The following ELAVL4 variants were observed in gnomAD, a reference collection of about 807,000 sequenced individuals.
ELAVL4 encodes the protein ELAV like RNA binding protein 4.
ELAVL4 carries 1 observed loss-of-function variant against 35.6 expected under a neutral mutation model. The observed-to-expected ratio is 0.03, with a 90% CI of 0.01 to 0.13. The LOEUF is 0.13. Ranked by LOEUF, ELAVL4 falls within the 10% of genes least tolerant of loss-of-function variation. The probability of loss-of-function intolerance (pLI) is 1.00; values close to 1 mark genes in which losing one functional copy is unlikely to be tolerated. For synonymous variants in ELAVL4, 156 were observed against 171.0 expected, an observed-to-expected ratio of 0.91 and a Z score of 0.69; for missense variants, 267 against 464.9, an observed-to-expected ratio of 0.57 and a Z score of 3.91.
chr1:50,107,160 C>G (rs1666401024), upstream of ELAVL4, among the ~76,000 whole-genome samples: 1 of 152,196 alleles, frequency 6.6e-6, no homozygotes, highest in African/African-American at 2.4e-5. Context: ...ATTTAGAACA[C>G]TTTAACCTGT....
upstream of ELAVL4, among the ~76,000 whole-genome samples, chr1:50,104,526 C>G (rs1435302594): frequency 1.3e-5 from 2 of 152,176 alleles, no homozygotes; most frequent in Non-Finnish European, 2.9e-5. Flanking sequence ...AGATGAAGGA[C>G]ATAGTCACTA....
intron 1 of ELAVL4, among the ~76,000 whole-genome samples, chr1:50,143,192 G>A (rs1673112044): frequency 6.6e-6 from 1 of 152,142 alleles, no homozygotes; most frequent in Admixed American, 6.5e-5. Context: ...GTTGTGAATT[G>A]TGTTCACTTT....
chr1:50,112,399 C>T (rs1188214570), intron 1 of ELAVL4, among the ~76,000 whole-genome samples: 1 of 152,028 alleles, frequency 6.6e-6, no homozygotes, highest in South Asian at 2.1e-4. Context: ...TGACCTTTCT[C>T]GATCCTTTGT....
At chr1:50,140,761 C>T (rs1376330580) in intron 1 of ELAVL4, among the ~76,000 whole-genome samples, 2 of 152,158 alleles carry the variant, frequency 1.3e-5, no homozygotes, top group East Asian at 1.9e-4. Flanking sequence ...TGTGTGTTTT[C>T]ATCAGTTCCT....
chr1:50,085,266 C>T (rs570857810), intron 1 of ELAVL4, among the ~76,000 whole-genome samples: 2 of 152,328 alleles, frequency 1.3e-5, no homozygotes, highest in South Asian at 4.1e-4. Flanking sequence ...ATAAAGTTGA[C>T]ATTTGGCCAG....
intron 2 of ELAVL4, among the ~76,000 whole-genome samples, chr1:50,163,466 TG>T (rs1677154878): frequency 6.6e-6 from 1 of 152,144 alleles, no homozygotes; most frequent in Admixed American, 6.5e-5. Flanking sequence ...GAGATGGGAA[TG>T]GGATACTTTG....
chr1:50,201,196 A>G lies in ELAVL4; in HGVS notation c.*18A>G. The G allele has an allele frequency of 6.5e-7, 1 of 1,538,882 alleles. No individual in the cohort carries two copies. The highest frequency in any genetic ancestry group is 8.7e-7 in the Non-Finnish European group (1 of 1,146,792). ...AGTCCTGAATTTCCCATTCTTACTT[A>G]CTAAAATATATATAGAAATATATAC... On this transcript the variant is annotated 3_prime_UTR_variant, in exon 7 of 7. Coordinates refer to ENST00000371824, the MANE Select transcript of ELAVL4 (RefSeq NM_001144774.3). This position sits in a 1 kb window ranked among gnomAD's most constrained non-coding sequence, Gnocchi z 4.3.
At chr1:50,168,634 A>G (rs1384611841) in intron 2 of ELAVL4, among the ~76,000 whole-genome samples, 1 of 152,154 alleles carries the variant, frequency 6.6e-6, no homozygotes, top group Admixed American at 6.6e-5. Flanking sequence ...TTCTCCACAT[A>G]CAGTCAAAGG....
chr1:50,123,864 G>T (rs747687102), intron 1 of ELAVL4, among the ~76,000 whole-genome samples: 4 of 152,096 alleles, frequency 2.6e-5, no homozygotes, highest in African/African-American at 9.7e-5. Context: ...ACTCACTGTG[G>T]GTTGTAGCCA....
chr1:50,142,453 T>G (rs1465020845), intron 1 of ELAVL4, among the ~76,000 whole-genome samples: 2 of 152,194 alleles, frequency 1.3e-5, no homozygotes, highest in Non-Finnish European at 1.5e-5. Context: ...TCTGCCCACC[T>G]CGGCCTCCCA....
chr1:50,130,121 G>A (rs1308288925), intron 1 of ELAVL4, among the ~76,000 whole-genome samples: 1 of 152,042 alleles, frequency 6.6e-6, no homozygotes, highest in African/African-American at 2.4e-5. Context: ...TTGAATTATG[G>A]TCTTTCCTGT....
intron 1 of ELAVL4, among the ~76,000 whole-genome samples, chr1:50,057,765 A>T (rs2148474120): frequency 6.6e-6 from 1 of 152,240 alleles, no homozygotes; most frequent in Non-Finnish European, 1.5e-5. Context: ...ATGATGACAA[A>T]ATTGCCTGAC....
At chr1:50,056,175 T>C (rs1663658208) in intron 1 of ELAVL4, among the ~76,000 whole-genome samples, 1 of 152,164 alleles carries the variant, frequency 6.6e-6, no homozygotes, top group Non-Finnish European at 1.5e-5. Context: ...AAGTTGAGGA[T>C]CTTACTCAGG....
chr1:50,126,648 T>C (rs1290610937), intron 1 of ELAVL4, among the ~76,000 whole-genome samples: 1 of 152,120 alleles, frequency 6.6e-6, no homozygotes, highest in Non-Finnish European at 1.5e-5. Context: ...AGATTAAAAT[T>C]AAACTTTTAA....
At chr1:50,068,159 G>T (rs1358179016) in intron 1 of ELAVL4, among the ~76,000 whole-genome samples, 1 of 152,150 alleles carries the variant, frequency 6.6e-6, no homozygotes, top group Non-Finnish European at 1.5e-5. Context: ...GGTTAAGGGG[G>T]ATAGGTTAGG....
intron 6 of ELAVL4, 57 bp downstream of exon 6, chr1:50,197,524 A>T: frequency 5.1e-6 from 6 of 1,177,748 alleles, no homozygotes; most frequent in South Asian, 1.8e-5. Context: ...TGGGGCTAGA[A>T]TTTTTTTTTT....
chr1:50,143,047 A>G (rs1463713869), intron 1 of ELAVL4, among the ~76,000 whole-genome samples: 1 of 152,158 alleles, frequency 6.6e-6, no homozygotes, highest in African/African-American at 2.4e-5. Flanking sequence ...AAATAGGTAA[A>G]ACAAATCTGT....
intron 1 of ELAVL4, among the ~76,000 whole-genome samples, chr1:50,120,159 G>A (rs1668784912): frequency 6.6e-6 from 1 of 151,616 alleles, no homozygotes; most frequent in African/African-American, 2.4e-5. Context: ...AGTAAGCAAG[G>A]ACAATGGCAA....
chr1:50,066,648 A>G (rs1228927016), intron 1 of ELAVL4, among the ~76,000 whole-genome samples: 2 of 152,188 alleles, frequency 1.3e-5, no homozygotes, highest in African/African-American at 4.8e-5. Context: ...ATGAAGATAA[A>G]AAATACATGT....
Sources: gnomAD v4.1 joint callset for allele counts (sites outside exome capture counted in the v4.1 genomes callset) on GRCh38, gnomAD v4.1.1 for gene constraint, Gnocchi (gnomAD v3.1) non-coding constraint, MANE v1.5 for transcripts, NCBI Gene and HGNC (gene_info 2026-07-23, HGNC 2026-07-21) for gene names.